CEP290: variants seen among roughly 807,000 people sequenced by gnomAD.
CEP290 encodes the protein centrosomal protein of 290 kDa.
A neutral mutation model predicts 344.9 loss-of-function variants in CEP290; 317 were observed. That is an observed-to-expected ratio of 0.92 (90% confidence interval 0.84 to 1.01). The LOEUF is 1.01. Ranked by LOEUF, CEP290 falls within the 50% of genes least tolerant of loss-of-function variation. The pLI is 0.00. For missense variants in CEP290, 2,754 were observed against 2,761.4 expected (o/e 1.00, Z 0.06); for synonymous variants, 932 against 895.8 (o/e 1.04, Z -0.72).
At chr12:88,088,928 C>G in intron 31 of CEP290, 104 bp downstream of exon 31, 1 of 762,574 alleles carries the variant, frequency 1.3e-6, no homozygotes, top group Non-Finnish European at 2.0e-6. Flanking sequence ...TAGAGAGTCC[C>G]TTGAGCCCAG....
chr12:88,079,949 T>C (rs577530211), intron 38 of CEP290, among the ~76,000 whole-genome samples: 2 of 152,264 alleles, frequency 1.3e-5, no homozygotes, highest in South Asian at 4.1e-4. Flanking sequence ...TAACTTCATA[T>C]AGATAATTCA....
chr12:88,107,129 CTGTAAA>C, intron 23 of CEP290, 31 bp from the exon 24 acceptor site: 3 of 1,261,958 alleles, frequency 2.4e-6, no homozygotes, highest in Non-Finnish European at 3.3e-6. Context: ...AAAGACAATA[CTGTAAA>C]CCTAATAAAA....
rs745529907 is a variant in CEP290, at chr12:88,060,948, C to T, written c.6404G>A (p.Gly2135Asp). 1 of 1,561,702 alleles carries T rather than the reference C, an allele frequency of 6.4e-7. No individual in the cohort carries two copies. Among genetic ancestry groups the T allele is most frequent in the East Asian group, 2.3e-5 (1 of 42,912 alleles). Residue 2135 changes from glycine to aspartate, a missense_variant, in exon 47 of 54, where the codon GGT (glycine) becomes GAT (aspartate). Coordinates refer to ENST00000552810, the MANE Select transcript of CEP290 (RefSeq NM_025114.4). ...KTIPELEKTI[G>D]LMKKVVEKVQ... ...TTTTTCAACTACTTTTTTCATTAAA[C>T]CAATGGTTTTTTCCAGTTCTGGGAT...
chr12:88,078,394 T>C (rs2035945717), intron 39 of CEP290, among the ~76,000 whole-genome samples: 1 of 152,100 alleles, frequency 6.6e-6, no homozygotes, highest in Non-Finnish European at 1.5e-5. Flanking sequence ...AAGGAGTTCC[T>C]AGCTGTCCTA....
chr12:88,050,377 C>A lies in CEP290; in HGVS notation c.7186G>T (p.Asp2396Tyr), dbSNP rs189556433. Residue 2396 changes from aspartate (D) to tyrosine (Y), a missense_variant, in exon 53 of 54, where the codon GAT (aspartate) becomes TAT (tyrosine). Transcript: ENST00000552810. ...ACCTTCAAATGCTGCTTTTCTAGAT[C>A]TGACATTTTGAGCTGTGTCTCTAGA... ...KDLETQLKMS[D>Y]LEKQHLKEEI... The A allele has an allele frequency of 3.8e-4, 595 of 1,551,982 alleles. No individual in the cohort carries two copies. The East Asian group carries it at 8.1e-3, about 21-fold the overall frequency.
At chr12:88,126,537 C>A in intron 11 of CEP290, 99 bp from the exon 12 acceptor site, 1 of 794,464 alleles carries the variant, frequency 1.3e-6, no homozygotes. Flanking sequence ...ATTTATGATA[C>A]AGAAAATAAA....
chr12:88,088,457 T>C (rs1264260695), intron 31 of CEP290, among the ~76,000 whole-genome samples: 2 of 152,132 alleles, frequency 1.3e-5, no homozygotes, highest in Non-Finnish European at 2.9e-5. Context: ...TAATTAGTGT[T>C]TAATTAATAT....
chr12:88,122,090 A>G (rs968327472), intron 13 of CEP290, among the ~76,000 whole-genome samples: 1 of 152,152 alleles, frequency 6.6e-6, no homozygotes, highest in Non-Finnish European at 1.5e-5. Context: ...ACTTAGGCAT[A>G]AAACTAGTAC....
intron 52 of CEP290, chr12:88,051,729 G>C (rs2033557363): frequency 6.6e-6 from 1 of 152,102 alleles, no homozygotes; most frequent in South Asian, 2.1e-4. Context: ...ACATGCACCT[G>C]ATCTCTGATC....
At chr12:88,056,802 AAAGAGAT>A (rs2034043600) in intron 49 of CEP290, among the ~76,000 whole-genome samples, 1 of 152,186 alleles carries the variant, frequency 6.6e-6, no homozygotes, top group Non-Finnish European at 1.5e-5. Flanking sequence ...ATGGGTCCCA[AAAGAGAT>A]CTCTCTAAAC....
chr12:88,049,267 C>T lies in CEP290; in HGVS notation c.7357G>A (p.Gly2453Arg). The T allele has an allele frequency of 6.2e-7, 1 of 1,609,652 alleles. No individual in the cohort carries two copies. The highest frequency in any genetic ancestry group is 8.5e-7 in the Non-Finnish European group (1 of 1,178,430). Reference protein sequence around the residue: ...EKVKKLSEQLGVELTSPVAAS... With the variant: ...EKVKKLSEQLRVELTSPVAAS... ...GCAACAGGGCTAGTTAATTCAACTC[C>T]CAATTGTTCTGAAAGTTTTTTTACC... The change falls in exon 54 of 54, where the codon GGA (glycine) becomes AGA (arginine). Residue 2453 changes from glycine (G) to arginine (R), a missense_variant. Physicochemically the swap from Gly to Arg is moderately radical, Grantham distance 125 (BLOSUM62 -2). Coordinates refer to ENST00000552810, the MANE Select transcript of CEP290 (RefSeq NM_025114.4).
chr12:88,072,948 A>G (rs868646589), intron 41 of CEP290, among the ~76,000 whole-genome samples: 1 of 152,160 alleles, frequency 6.6e-6, no homozygotes, highest in African/African-American at 2.4e-5. Flanking sequence ...GAAAAAAGAA[A>G]AAGAAACGGA....
chr12:88,066,234 A>G (rs1234936105), intron 44 of CEP290, among the ~76,000 whole-genome samples: 1 of 152,216 alleles, frequency 6.6e-6, no homozygotes, highest in East Asian at 1.9e-4. Context: ...TAAGCTAGCC[A>G]AAAGTAGTAC....
rs144415261 is a variant in CEP290, at chr12:88,094,321, T to A, written c.3104-346A>T. Among the ~76,000 whole-genome samples the A allele has an allele frequency of 6.8e-3, 1,040 of 152,180 alleles. 17 individuals carry two copies. Among genetic ancestry groups the A allele is most frequent in the African/African-American group, 0.024 (1,001 of 41,564 alleles). ...AAGTAAACATTTTACTGAAAGGAGA[T>A]AAACTGTATGAGAAGCAATGCAGTA... On this transcript the variant is annotated intron_variant, in intron 27 of 53. Coordinates refer to ENST00000552810, the MANE Select transcript of CEP290 (RefSeq NM_025114.4).
At chr12:88,058,717 A>G in intron 49 of CEP290, 131 bp downstream of exon 49, 1 of 860,188 alleles carries the variant, frequency 1.2e-6, no homozygotes, top group Non-Finnish European at 1.8e-6. Context: ...AAAAAGTATT[A>G]TGTTAAAACA....
chr12:88,085,529 A>C (rs1264168226), intron 34 of CEP290, among the ~76,000 whole-genome samples: 2 of 152,164 alleles, frequency 1.3e-5, no homozygotes, highest in Non-Finnish European at 2.9e-5. Flanking sequence ...ATGAAAACTA[A>C]AATGAAAACA....
At chr12:88,114,126 C>T (rs1446089508) in intron 20 of CEP290, among the ~76,000 whole-genome samples, 3 of 152,060 alleles carry the variant, frequency 2.0e-5, no homozygotes, top group Admixed American at 6.6e-5. Flanking sequence ...TCAGCAAAAA[C>T]GAGCTCCAAA....
chr12:88,089,615 G>A, intron 30 of CEP290, 128 bp from the exon 31 acceptor site: 2 of 587,394 alleles, frequency 3.4e-6, no homozygotes, highest in Non-Finnish European at 2.7e-6. Flanking sequence ...CTACAAAAAT[G>A]TAACTTTGCT....
At chr12:88,097,143 T>C (rs2037488880) in intron 26 of CEP290, 144 bp from the exon 27 acceptor site, 4 of 584,520 alleles carry the variant, frequency 6.8e-6, no homozygotes, top group Admixed American at 3.3e-5. Flanking sequence ...CCATATATAA[T>C]ACATGTATGC....
Sources: allele counts gnomAD v4.1 joint callset (sites outside exome capture counted in the v4.1 genomes callset), GRCh38; gene constraint gnomAD v4.1.1; transcripts MANE v1.5; gene names NCBI Gene and HGNC (gene_info 2026-07-23, HGNC 2026-07-21).